WDPCP: variants seen among roughly 807,000 people sequenced by gnomAD.
WDPCP encodes WD repeat-containing and planar cell polarity effector protein fritz homolog.
WDPCP carries 71 observed loss-of-function variants against 93.1 expected under a neutral mutation model. The ratio of observed to expected loss-of-function variants is 0.76; its 90% CI spans 0.63 to 0.93. WDPCP has a LOEUF of 0.93. Ranked by LOEUF, WDPCP falls within the 40% of genes least tolerant of loss-of-function variation. The pLI, the probability that WDPCP is intolerant of heterozygous loss-of-function variation, is 0.00. For synonymous variants in WDPCP, 315 were observed against 315.0 expected, an observed-to-expected ratio of 1.00 and a Z score of 0.00; for missense variants, 844 against 887.4, an observed-to-expected ratio of 0.95 and a Z score of 0.62.
At chr2:63,535,512 G>T (rs375512216) in intron 1 of WDPCP, among the ~76,000 whole-genome samples, 77 of 152,230 alleles carry the variant, frequency 5.1e-4, no homozygotes, top group Non-Finnish European at 9.6e-4. Flanking sequence ...CCAAAACAGA[G>T]ATATAGACCA....
At position 63,319,806 on chromosome 2, in the gene WDPCP, A is replaced by G. The variant is rs146319378; in HGVS notation, c.1749-6495T>C. Among the ~76,000 whole-genome samples the G allele has an allele frequency of 3.5e-3, 526 of 152,326 alleles. 2 individuals are homozygous for G. The highest frequency in any genetic ancestry group is 3.6e-3 in the Non-Finnish European group (243 of 68,030). ...TTAAATCTTAAATCAGAGAATACAC[A>G]TTCTTCTTAAGCACAAATGGGATAT... On this transcript the variant is annotated intron_variant, in intron 12 of 17. Transcript: ENST00000272321.
chr2:63,267,250 C>A (rs1682213350), intron 13 of WDPCP, among the ~76,000 whole-genome samples: 1 of 152,046 alleles, frequency 6.6e-6, no homozygotes, highest in Non-Finnish European at 1.5e-5. Context: ...TTGTCCTTTC[C>A]AATTTATTTA....
At chr2:63,676,191 G>C (rs927421467) in intron 2 of WDPCP, among the ~76,000 whole-genome samples, 1 of 152,108 alleles carries the variant, frequency 6.6e-6, no homozygotes, top group East Asian at 1.9e-4. Context: ...GAATTTACAG[G>C]GCCAAGAATC....
chr2:63,418,401 T>C (rs1373419008), intron 9 of WDPCP, among the ~76,000 whole-genome samples: 2 of 152,168 alleles, frequency 1.3e-5, no homozygotes, highest in African/African-American at 2.4e-5. Flanking sequence ...TCCAAAAAGA[T>C]AGGATAGTGG....
intron 3 of WDPCP, among the ~76,000 whole-genome samples, chr2:63,611,395 T>C (rs1431396033): frequency 6.6e-6 from 1 of 152,212 alleles, no homozygotes; most frequent in African/African-American, 2.4e-5. Context: ...GATTTGATAT[T>C]ATATGTACAT....
At chr2:63,481,196 A>T (rs1357438087) in intron 6 of WDPCP, among the ~76,000 whole-genome samples, 1 of 151,986 alleles carries the variant, frequency 6.6e-6, no homozygotes, top group African/African-American at 2.4e-5. Context: ...GTGATATACC[A>T]CCTTACTCCT....
At chr2:63,143,244 C>A (rs1574712845) in intron 17 of WDPCP, among the ~76,000 whole-genome samples, 1 of 152,146 alleles carries the variant, frequency 6.6e-6, no homozygotes, top group East Asian at 1.9e-4. Flanking sequence ...GCTGCCCCTG[C>A]TCGCTTTTGG....
chr2:63,304,543 C>T (rs559926353), intron 13 of WDPCP, among the ~76,000 whole-genome samples: 2 of 152,250 alleles, frequency 1.3e-5, no homozygotes, highest in African/African-American at 2.4e-5. Flanking sequence ...GGGACTGTAC[C>T]GTGAGGAACA....
chr2:63,133,058 A>G (rs1018048623), intron 17 of WDPCP, among the ~76,000 whole-genome samples: 38 of 152,214 alleles, frequency 2.5e-4, no homozygotes, highest in Non-Finnish European at 8.8e-5. Context: ...TTGCTTCTGA[A>G]TTTTGAGATC....
At chr2:63,530,542 C>G (rs781282924) in intron 1 of WDPCP, among the ~76,000 whole-genome samples, 3 of 152,100 alleles carry the variant, frequency 2.0e-5, no homozygotes, top group Non-Finnish European at 2.9e-5. Context: ...TTATCTGGCC[C>G]TTTTCATGTC....
chr2:63,828,902 A>G (rs1671153290), upstream of WDPCP, among the ~76,000 whole-genome samples: 1 of 152,172 alleles, frequency 6.6e-6, no homozygotes, highest in Non-Finnish European at 1.5e-5. Context: ...AAGATTGACT[A>G]TCATTTTTTT....
At chr2:63,391,373 G>C (rs1027970830) in intron 10 of WDPCP, among the ~76,000 whole-genome samples, 3 of 152,062 alleles carry the variant, frequency 2.0e-5, no homozygotes, top group African/African-American at 4.8e-5. Context: ...AATAAACTAG[G>C]TATTGATGGA....
chr2:63,183,562 T>G (rs907909367), intron 14 of WDPCP, among the ~76,000 whole-genome samples: 9 of 152,216 alleles, frequency 5.9e-5, no homozygotes, highest in Admixed American at 3.9e-4. Context: ...GGTCTGTGTT[T>G]GAGAATGCTG....
chr2:63,653,646 C>T (rs1710133215), intron 2 of WDPCP, among the ~76,000 whole-genome samples: 1 of 152,202 alleles, frequency 6.6e-6, no homozygotes, highest in Non-Finnish European at 1.5e-5. Flanking sequence ...CACGTTGGCT[C>T]ATGCCTGTAA....
At chr2:63,217,002 T>A (rs991113409) in intron 14 of WDPCP, among the ~76,000 whole-genome samples, 1 of 152,090 alleles carries the variant, frequency 6.6e-6, no homozygotes, top group African/African-American at 2.4e-5. Flanking sequence ...AAACAAAATT[T>A]AAAAAAATAC....
At chr2:63,680,214 A>C (rs1295297640) in intron 2 of WDPCP, among the ~76,000 whole-genome samples, 3 of 152,258 alleles carry the variant, frequency 2.0e-5, no homozygotes, top group African/African-American at 7.2e-5. Context: ...AGAACCAAAA[A>C]TCAGGTGAGC....
intron 12 of WDPCP, among the ~76,000 whole-genome samples, chr2:63,359,110 C>G (rs1690244975): frequency 6.6e-6 from 1 of 152,012 alleles, no homozygotes; most frequent in Non-Finnish European, 1.5e-5. Flanking sequence ...CATTCCCTTC[C>G]CTTCTTTTTC....
intron 6 of WDPCP, among the ~76,000 whole-genome samples, chr2:63,469,791 C>T (rs1575479851): frequency 6.6e-6 from 1 of 152,140 alleles, no homozygotes; most frequent in Non-Finnish European, 1.5e-5. Context: ...GTATAACAAA[C>T]CCCCATGACA....
chr2:63,426,970 T>C (rs924012329), intron 9 of WDPCP, among the ~76,000 whole-genome samples: 1 of 152,062 alleles, frequency 6.6e-6, no homozygotes, highest in Non-Finnish European at 1.5e-5. Context: ...ACTTTAACAA[T>C]AGTCGAGAAG....
Sources: allele counts gnomAD v4.1 joint callset (sites outside exome capture counted in the v4.1 genomes callset), GRCh38; gene constraint gnomAD v4.1.1; transcripts MANE v1.5; gene names NCBI Gene and HGNC (gene_info 2026-07-23, HGNC 2026-07-21).